MTOR: variants seen among roughly 807,000 people sequenced by gnomAD.
MTOR encodes mechanistic target of rapamycin kinase.
Under a neutral mutation model 319.8 loss-of-function variants are expected in MTOR, and 70 were observed. The ratio of observed to expected loss-of-function variants is 0.22; its 90% CI spans 0.18 to 0.27. The LOEUF (loss-of-function observed/expected upper bound fraction) is 0.27. MTOR is among the 10% of genes least tolerant of loss of function. MTOR has a pLI of 1.00. For synonymous variants in MTOR, 1,183 were observed against 1,211.4 expected, an observed-to-expected ratio of 0.98 and a Z score of 0.49; for missense variants, 1,890 against 3,274.4, an observed-to-expected ratio of 0.58 and a Z score of 10.32.
At position 11,109,274 on chromosome 1, in the gene MTOR, C is replaced by T. The variant is rs1198949186; in HGVS notation, c.7528+16G>A. On this transcript the variant is annotated intron_variant, in intron 56 of 57. Transcript: ENST00000361445. The surrounding 1 kb of genome is among the most constrained non-coding windows in gnomAD (Gnocchi z 4.0). ...AGATTTTATGTCCCTTTTAAGTAAA[C>T]ACATGACACACTCACCAGTGAGCTT... 1.2e-6 allele frequency: 2 copies of T among 1,610,606 alleles called. No individual in the cohort carries two copies. The highest frequency in any genetic ancestry group is 2.2e-5 in the East Asian group (1 of 44,870).
chr1:11,181,241 T>C (rs1475332092), intron 28 of MTOR, among the ~76,000 whole-genome samples: 1 of 152,000 alleles, frequency 6.6e-6, no homozygotes, highest in Non-Finnish European at 1.5e-5. Context: ...AGATACTCTG[T>C]GGTCCTCTTG....
rs2100743497 is a variant in MTOR, at chr1:11,199,201, G to A, written c.4253+57C>T. ...CTCCAGTGAAGTGGCACCAGGCAGT[G>A]GGAGAAGAGAGGTCATTTTGCATGA... On this transcript the variant is annotated intron_variant, in intron 28 of 57. Transcript: ENST00000361445. The surrounding 1 kb of genome is among the most constrained non-coding windows in gnomAD (Gnocchi z 4.5). The A allele has an allele frequency of 6.2e-7, 1 of 1,609,952 alleles. No individual in the cohort carries two copies. The highest frequency in any genetic ancestry group is 8.5e-7 in the Non-Finnish European group (1 of 1,176,466).
intron 29 of MTOR, 80 bp downstream of exon 29, chr1:11,167,362 T>C (rs1191242307): frequency 9.1e-7 from 1 of 1,097,408 alleles, no homozygotes; most frequent in Non-Finnish European, 1.4e-6. Flanking sequence ...AAAAGGAAAG[T>C]AACTTTCTGA....
chr1:11,160,068 A>G (rs1644427150), intron 29 of MTOR, among the ~76,000 whole-genome samples: 1 of 147,326 alleles, frequency 6.8e-6, no homozygotes, highest in Non-Finnish European at 1.5e-5. Flanking sequence ...TCAGATATCA[A>G]TTATAGCATT....
Position 11,115,490 on chromosome 1 carries a change from T to C in MTOR, c.7017-22A>G. Reference sequence around the variant, plus strand: ...GTGTCTTTGAGAAACAGAAGACAGATCAGGGAGGGATCAACAGAGATAACG... The same window carrying C: ...GTGTCTTTGAGAAACAGAAGACAGACCAGGGAGGGATCAACAGAGATAACG... On this transcript the variant is annotated intron_variant, in intron 50 of 57. Coordinates refer to ENST00000361445, the MANE Select transcript of MTOR (RefSeq NM_004958.4). The surrounding 1 kb of genome is among the most constrained non-coding windows in gnomAD (Gnocchi z 4.5). The C allele has an allele frequency of 1.9e-6, 3 of 1,608,250 alleles. No individual in the cohort carries two copies. Among genetic ancestry groups the C allele is most frequent in the Non-Finnish European group, 1.7e-6 (2 of 1,174,750 alleles).
intron 1 of MTOR, among the ~76,000 whole-genome samples, chr1:11,261,846 G>T (rs1651178421): frequency 6.6e-6 from 1 of 152,146 alleles, no homozygotes; most frequent in Admixed American, 6.5e-5. Context: ...AAGAACCAGT[G>T]TATCTTTATA....
intron 31 of MTOR, 67 bp from the exon 32 acceptor site, chr1:11,146,858 A>G: frequency 1.8e-6 from 2 of 1,083,108 alleles, no homozygotes; most frequent in South Asian, 2.5e-5. Flanking sequence ...GCAGCATCTC[A>G]AATAGGTCTT....
At chr1:11,225,127 G>C (rs1363690253) in intron 19 of MTOR, among the ~76,000 whole-genome samples, 2 of 152,086 alleles carry the variant, frequency 1.3e-5, no homozygotes, top group African/African-American at 4.8e-5. Context: ...GATTATTAGT[G>C]ATAACTGCAT....
chr1:11,256,769 G>GCTAGA (rs1008067632), intron 4 of MTOR, among the ~76,000 whole-genome samples, 164 bp downstream of exon 4: 7 of 152,068 alleles, frequency 4.6e-5, no homozygotes, highest in Non-Finnish European at 1.0e-4. Context: ...ACCACACCAT[G>GCTAGA]CTAGATTCCC....
At chr1:11,227,947 G>A (rs529493039) in intron 19 of MTOR, among the ~76,000 whole-genome samples, 6 of 152,160 alleles carry the variant, frequency 3.9e-5, no homozygotes, top group Admixed American at 2.0e-4. Flanking sequence ...ACACCTACTC[G>A]GCCGCATGCT....
intron 6 of MTOR, among the ~76,000 whole-genome samples, chr1:11,253,420 G>A (rs996149817): frequency 4.6e-5 from 7 of 152,024 alleles, no homozygotes; most frequent in African/African-American, 1.7e-4. Context: ...ACTGTGAACC[G>A]TGGGCCTATT....
chr1:11,250,952 C>T (rs1649589451), intron 6 of MTOR, among the ~76,000 whole-genome samples: 1 of 152,166 alleles, frequency 6.6e-6, no homozygotes, highest in African/African-American at 2.4e-5. Flanking sequence ...CCATAGCTCC[C>T]ACTGTGGTCT....
At chr1:11,154,098 A>AAAAAAAAAAC (rs1644241220) in intron 30 of MTOR, among the ~76,000 whole-genome samples, 1 of 144,738 alleles carries the variant, frequency 6.9e-6, no homozygotes, top group Non-Finnish European at 1.5e-5. Flanking sequence ...AAAAAAAAAA[A>AAAAAAAAAAC]AAAAAGCCAC....
chr1:11,203,073 C>T (rs1179268771), intron 26 of MTOR, among the ~76,000 whole-genome samples: 3 of 151,206 alleles, frequency 2.0e-5, no homozygotes, highest in East Asian at 3.9e-4. Flanking sequence ...AATAGCCGGG[C>T]GTGGTGGCGT....
At chr1:11,250,079 G>T (rs1326229449) in intron 6 of MTOR, among the ~76,000 whole-genome samples, 1 of 140,380 alleles carries the variant, frequency 7.1e-6, no homozygotes, top group South Asian at 2.4e-4. Context: ...CGGACGGGGC[G>T]GCTGGCCGGG....
rs146790827 is a variant in MTOR at position 11,220,770 on chromosome 1, G to C, written c.3031-4536C>G. On this transcript the variant is annotated intron_variant, in intron 19 of 57. Transcript: ENST00000361445. The stretch of plus-strand genomic sequence containing the variant: ...CTGTCAACATCTTGATTTTAGCCCA[G>C]TGAGACCTCATGTCAGAAATATAAC... Among the ~76,000 whole-genome samples, 639 of 152,288 alleles carry C rather than the reference G, an allele frequency of 4.2e-3. 6 individuals are homozygous for C. The highest frequency in any genetic ancestry group is 0.014 in the African/African-American group (602 of 41,554).
intron 8 of MTOR, 55 bp downstream of exon 8, chr1:11,247,570 C>A: frequency 6.6e-7 from 1 of 1,514,830 alleles, no homozygotes; most frequent in Non-Finnish European, 9.2e-7. Flanking sequence ...TCTGGAATCA[C>A]CTGTTCCCTG....
intron 32 of MTOR, 88 bp from the exon 33 acceptor site, chr1:11,145,133 C>T (rs934619694): frequency 9.1e-7 from 1 of 1,104,786 alleles, no homozygotes; most frequent in Non-Finnish European, 1.4e-6. Flanking sequence ...CAGAAGTTAT[C>T]TGTCTCACTT....
chr1:11,223,286 C>G (rs1251503254), intron 19 of MTOR, among the ~76,000 whole-genome samples: 1 of 150,852 alleles, frequency 6.6e-6, no homozygotes, highest in Non-Finnish European at 1.5e-5. Flanking sequence ...AACCAAATTA[C>G]AATGAATTTT....
Sources: gnomAD v4.1 joint callset for allele counts (sites outside exome capture counted in the v4.1 genomes callset) on GRCh38, gnomAD v4.1.1 for gene constraint, Gnocchi (gnomAD v3.1) non-coding constraint, MANE v1.5 for transcripts, NCBI Gene and HGNC (gene_info 2026-07-23, HGNC 2026-07-21) for gene names.